The following GARNL3 variants were observed in gnomAD, a reference collection of about 807,000 sequenced individuals.
GARNL3 encodes GTPase-activating Rap/Ran-GAP domain-like protein 3.
In GARNL3, 63 loss-of-function variants were observed where a neutral mutation model predicts 125.0. That is an observed-to-expected ratio of 0.50 (90% CI 0.41 to 0.62). GARNL3 has a LOEUF of 0.62. Among genes scored for constraint, GARNL3 ranks in the 20% least tolerant of loss-of-function variants. The pLI is 0.00. For synonymous variants in GARNL3, 439 were observed against 457.5 expected (o/e 0.96, Z 0.52); for missense variants, 994 against 1,244.0 (o/e 0.80, Z 3.02).
chr9:127,388,671 C>A, intron 25 of GARNL3: 1 of 552,102 alleles, frequency 1.8e-6, no homozygotes, highest in Admixed American at 3.2e-5. Flanking sequence ...TTTTCCTGTG[C>A]AGTCACGAGT....
At chr9:127,336,085 G>A (rs1229894535) in intron 10 of GARNL3, 43 bp from the exon 11 acceptor site, 1 of 1,398,414 alleles carries the variant, frequency 7.2e-7, no homozygotes, top group East Asian at 2.3e-5. Context: ...AATGTGCCAT[G>A]TTTGAGAGTC....
intron 22 of GARNL3, among the ~76,000 whole-genome samples, chr9:127,372,979 G>A (rs1437816241): frequency 2.0e-5 from 3 of 152,210 alleles, no homozygotes; most frequent in African/African-American, 7.2e-5. Context: ...TTTGAAGGCT[G>A]TCCTTGAGAA....
At chr9:127,342,051 G>A (rs1356252944) in intron 13 of GARNL3, among the ~76,000 whole-genome samples, 168 bp from the exon 14 acceptor site, 2 of 152,094 alleles carry the variant, frequency 1.3e-5, no homozygotes, top group African/African-American at 4.8e-5. Context: ...CAGCCGAAGC[G>A]AGGCTTTAAA....
intron 2 of GARNL3, among the ~76,000 whole-genome samples, chr9:127,307,805 T>G (rs2064997086): frequency 6.6e-6 from 1 of 152,066 alleles, no homozygotes; most frequent in African/African-American, 2.4e-5. Flanking sequence ...TTAGAAATAC[T>G]AAAAAATAAA....
At chr9:127,311,921 T>C (rs1051565393) in intron 3 of GARNL3, among the ~76,000 whole-genome samples, 186 bp downstream of exon 3, 5 of 152,028 alleles carry the variant, frequency 3.3e-5, no homozygotes, top group Non-Finnish European at 7.4e-5. Flanking sequence ...GCCCTAAGAG[T>C]TTTTGCTCAT....
chr9:127,290,812 G>A (rs947930409), intron 1 of GARNL3, among the ~76,000 whole-genome samples: 2 of 152,240 alleles, frequency 1.3e-5, no homozygotes, highest in Admixed American at 6.5e-5. Flanking sequence ...TGTGAAGGAG[G>A]CTGAACTTGA....
chr9:127,304,308 GAA>G (rs2064885126), intron 2 of GARNL3, among the ~76,000 whole-genome samples: 1 of 152,138 alleles, frequency 6.6e-6, no homozygotes, highest in African/African-American at 2.4e-5. Context: ...TGCAAGGACT[GAA>G]AAGCTAAAAG....
chr9:127,245,199 C>T (rs908481678), intron 2 of GARNL3: 5 of 152,298 alleles, frequency 3.3e-5, no homozygotes, highest in Admixed American at 3.3e-4. Context: ...CTGCAAGGCC[C>T]GCAGTGCACC....
chr9:127,291,584 C>T (rs2064417299), intron 2 of GARNL3, among the ~76,000 whole-genome samples: 1 of 152,132 alleles, frequency 6.6e-6, no homozygotes, highest in African/African-American at 2.4e-5. Flanking sequence ...GTGCCAGGGT[C>T]CAGGAGGGAG....
At chr9:127,248,983 G>C (rs778996274) in intron 2 of GARNL3, among the ~76,000 whole-genome samples, 7 of 152,112 alleles carry the variant, frequency 4.6e-5, no homozygotes, top group East Asian at 3.9e-4. Context: ...AGAAAGGGTT[G>C]GTTTATTAAT....
intron 1 of GARNL3, among the ~76,000 whole-genome samples, chr9:127,231,437 A>T (rs1478085499): frequency 2.6e-5 from 4 of 151,972 alleles, no homozygotes; most frequent in South Asian, 2.1e-4. Flanking sequence ...CAAGAAATTG[A>T]TGAACCAGAG....
At position 127,282,384 on chromosome 9, in the gene GARNL3, G is replaced by A. The variant is rs985108334; in HGVS notation, c.145-8784G>A. Among the ~76,000 whole-genome samples, 5 of 152,044 alleles carry A rather than the reference G, an allele frequency of 3.3e-5. No homozygotes were observed. In the East Asian group the frequency reaches 5.8e-4, roughly 18 times the overall value. On this transcript the variant is annotated intron_variant, in intron 1 of 27. Coordinates refer to ENST00000373387, the MANE Select transcript of GARNL3 (RefSeq NM_032293.5). ...TTTATTGAGCACTTATTATGTCCAGGTACTATTCTAGGCTCGTTATACATT... is the reference window on the plus strand; with the variant it reads ...TTTATTGAGCACTTATTATGTCCAGATACTATTCTAGGCTCGTTATACATT...
rs115629719 is a variant in GARNL3 at position 127,334,375 on chromosome 9, G to A, written c.770-855G>A. On this transcript the variant is annotated intron_variant, in intron 9 of 27. Transcript: ENST00000373387. ...TTGGCCTAATAGTGATAGGCTTCGA[G>A]TGCAGGTCTCCTTACCCTCTGGGAG... Among the ~76,000 whole-genome samples, 1,086 of 152,284 alleles carry A rather than the reference G, an allele frequency of 7.1e-3. 16 individuals are homozygous for A. The highest frequency in any genetic ancestry group is 0.025 in the African/African-American group (1,056 of 41,552).
At chr9:127,360,265 G>A (rs902115773) in intron 21 of GARNL3, among the ~76,000 whole-genome samples, 7 of 152,056 alleles carry the variant, frequency 4.6e-5, no homozygotes, top group Admixed American at 1.3e-4. Context: ...TCGTGATCCC[G>A]CCCACCTTGG....
chr9:127,273,752 G>GA (rs2063882386), intron 1 of GARNL3, among the ~76,000 whole-genome samples: 2 of 152,090 alleles, frequency 1.3e-5, no homozygotes, highest in Admixed American at 1.3e-4. Flanking sequence ...AGACCTATGA[G>GA]AAAAAATTTT....
chr9:127,357,096 G>T (rs1351586369), intron 20 of GARNL3, 123 bp from the exon 21 acceptor site: 1 of 884,492 alleles, frequency 1.1e-6, no homozygotes, highest in Admixed American at 2.2e-5. Context: ...CCTGTAGCAC[G>T]GGGCTCTGCA....
intron 2 of GARNL3, 137 bp from the exon 3 acceptor site, chr9:127,311,499 T>C (rs1374854589): frequency 1.6e-6 from 1 of 622,376 alleles, no homozygotes; most frequent in Non-Finnish European, 2.8e-6. Context: ...TCTTTTCTAA[T>C]GAGAACATGC....
chr9:127,377,976 C>A (rs191628114), intron 22 of GARNL3, among the ~76,000 whole-genome samples: 1 of 152,006 alleles, frequency 6.6e-6, no homozygotes, highest in East Asian at 2.0e-4. Context: ...CACGGTGGCT[C>A]ACACCAGTAA....
At position 127,388,847 on chromosome 9, in the gene GARNL3, G is replaced by A. The variant is rs567742295; in HGVS notation, c.2528-57G>A. 2.6e-4 allele frequency: 265 copies of A among 1,034,716 alleles called. No individual in the cohort carries two copies. In the African/African-American group the frequency reaches 3.9e-3, roughly 15 times the overall value. The allele number at this position is 1,034,716 out of a possible 1,614,324, so 64.1% of individuals were successfully genotyped here. A position where few individuals can be genotyped will look rare whatever the true frequency, so the allele number is the denominator to read the frequency against. ...TTAAGGAACAAGAAATTACTCTCTT[G>A]TAAATAATGTGCACTTTTCTTAAAG... On this transcript the variant is annotated intron_variant, in intron 25 of 27. Coordinates refer to ENST00000373387, the MANE Select transcript of GARNL3 (RefSeq NM_032293.5).
Sources: gnomAD v4.1 joint callset for allele counts (sites outside exome capture counted in the v4.1 genomes callset) on GRCh38, gnomAD v4.1.1 for gene constraint, MANE v1.5 for transcripts, NCBI Gene and HGNC (gene_info 2026-07-23, HGNC 2026-07-21) for gene names.